The following OLFML2B variants were observed in gnomAD, a reference collection of about 807,000 sequenced individuals.
OLFML2B encodes the protein olfactomedin-like protein 2B.
In OLFML2B, 57 loss-of-function variants were observed where a neutral mutation model predicts 74.9. That is an observed-to-expected ratio of 0.76 (90% CI 0.61 to 0.95). The LOEUF is 0.95. Among genes scored for constraint, OLFML2B ranks in the 40% least tolerant of loss-of-function variants. The pLI is 0.00. For synonymous variants in OLFML2B, 388 were observed against 405.8 expected, an observed-to-expected ratio of 0.96 and a Z score of 0.53; for missense variants, 986 against 970.6, an observed-to-expected ratio of 1.02 and a Z score of -0.21.
At chr1:162,005,356 C>A (rs1319051631) in intron 4 of OLFML2B, among the ~76,000 whole-genome samples, 1 of 152,202 alleles carries the variant, frequency 6.6e-6, no homozygotes, top group Non-Finnish European at 1.5e-5. Flanking sequence ...GTTTGAGACC[C>A]TCTGCCACCA....
At chr1:161,995,406 T>C (rs1018992140) in intron 6 of OLFML2B, among the ~76,000 whole-genome samples, 2 of 152,260 alleles carry the variant, frequency 1.3e-5, no homozygotes, top group African/African-American at 2.4e-5. Flanking sequence ...GATGCTATTC[T>C]AGTTAAACAG....
At chr1:161,989,636 T>C (rs1331327543) in intron 6 of OLFML2B, among the ~76,000 whole-genome samples, 1 of 152,228 alleles carries the variant, frequency 6.6e-6, no homozygotes, top group Non-Finnish European at 1.5e-5. Flanking sequence ...CATTTAATGA[T>C]CTGCTGTCAC....
At chr1:161,991,454 G>A (rs1418097973) in intron 6 of OLFML2B, among the ~76,000 whole-genome samples, 4 of 152,130 alleles carry the variant, frequency 2.6e-5, no homozygotes, top group Non-Finnish European at 5.9e-5. Context: ...TAATCTCCTG[G>A]CCAGGCGCGG....
intron 3 of OLFML2B, among the ~76,000 whole-genome samples, chr1:162,009,146 G>A (rs955296152): frequency 4.0e-5 from 6 of 150,902 alleles, no homozygotes; most frequent in African/African-American, 1.5e-4. Flanking sequence ...GTAGGCAATA[G>A]ACAAAGAAAT....
At chr1:161,995,471 C>T (rs1390741694) in intron 6 of OLFML2B, among the ~76,000 whole-genome samples, 1 of 152,180 alleles carries the variant, frequency 6.6e-6, no homozygotes, top group African/African-American at 2.4e-5. Context: ...GCTGCTGGGA[C>T]ACATGGCTTC....
chr1:162,005,191 AACTTAGTAGTAATTG>A (rs1287720735), intron 4 of OLFML2B, among the ~76,000 whole-genome samples: 1 of 152,242 alleles, frequency 6.6e-6, no homozygotes, highest in Non-Finnish European at 1.5e-5. Context: ...ACATAAACAT[AACTTAGTAGTAATTG>A]GAGCCAAAAG....
chr1:162,015,669 A>G (rs1439283747), intron 3 of OLFML2B, among the ~76,000 whole-genome samples: 1 of 152,218 alleles, frequency 6.6e-6, no homozygotes, highest in Non-Finnish European at 1.5e-5. Context: ...AAGAACCAGA[A>G]AGTGGTTTTA....
At chr1:162,021,717 C>T (rs774634904) in intron 1 of OLFML2B, among the ~76,000 whole-genome samples, 5 of 152,170 alleles carry the variant, frequency 3.3e-5, no homozygotes, top group Non-Finnish European at 5.9e-5. Context: ...CTGTTCTTTA[C>T]GGGCTGATAG....
intron 3 of OLFML2B, among the ~76,000 whole-genome samples, chr1:162,016,848 C>T (rs1202756760): frequency 6.6e-6 from 1 of 152,202 alleles, no homozygotes; most frequent in Non-Finnish European, 1.5e-5. Context: ...AGTATGGTGT[C>T]TTTGTCTATG....
chr1:161,992,269 A>T (rs546312474), intron 6 of OLFML2B, among the ~76,000 whole-genome samples: 2 of 152,354 alleles, frequency 1.3e-5, no homozygotes, highest in African/African-American at 2.4e-5. Context: ...TCTGTCAGCC[A>T]TCATAGAATT....
intron 4 of OLFML2B, among the ~76,000 whole-genome samples, chr1:162,000,847 T>G (rs1690064236): frequency 1.3e-5 from 2 of 152,124 alleles, no homozygotes; most frequent in South Asian, 4.1e-4. Flanking sequence ...TGAAGCTTGT[T>G]ACAGCAATCA....
rs750724158 is a variant in OLFML2B, at chr1:161,983,757, A to G, written c.2171T>C (p.Ile724Thr). Residue 724 changes from isoleucine to threonine, a missense_variant, in exon 8 of 8, where the codon ATA becomes ACA. Ile to Thr is a moderately conservative substitution (Grantham distance 89, BLOSUM62 -1). Transcript: ENST00000294794. ...FENEYSYTTQ[I>T]DYNPKDRLLY... The stretch of plus-strand genomic sequence containing the variant: ...CAGGCGGTCCTTGGGGTTGTAGTCT[A>G]TCTGGGTCGTATAGGAATACTCATT... 19 of 1,613,962 alleles carry G rather than the reference A, an allele frequency of 1.2e-5. No homozygotes were observed. The Middle Eastern group carries it at 6.6e-4, about 56-fold the overall frequency.
At chr1:161,991,100 G>A (rs1689729631) in intron 6 of OLFML2B, among the ~76,000 whole-genome samples, 1 of 152,108 alleles carries the variant, frequency 6.6e-6, no homozygotes, top group Non-Finnish European at 1.5e-5. Context: ...ACCCCTCAAG[G>A]TTATCCATGA....
chr1:162,012,071 A>T (rs574548314), intron 3 of OLFML2B, among the ~76,000 whole-genome samples: 1 of 152,352 alleles, frequency 6.6e-6, no homozygotes, highest in South Asian at 2.1e-4. Flanking sequence ...AGAAACACTA[A>T]CTTCGACCCT....
chr1:162,022,657 G>A (rs1208566768), intron 1 of OLFML2B, among the ~76,000 whole-genome samples: 1 of 152,120 alleles, frequency 6.6e-6, no homozygotes, highest in East Asian at 1.9e-4. Flanking sequence ...ACTTTACGAA[G>A]CCCATCACTA....
chr1:161,997,725 C>T (rs905679406), intron 6 of OLFML2B, 100 bp downstream of exon 6: 1 of 1,309,452 alleles, frequency 7.6e-7, no homozygotes, highest in East Asian at 2.3e-5. Context: ...CCATAAAGAA[C>T]TTTGACCATC....
At chr1:162,017,257 C>T (rs1004036704) in intron 3 of OLFML2B, 143 bp downstream of exon 3, 28 of 600,930 alleles carry the variant, frequency 4.7e-5, no homozygotes, top group Non-Finnish European at 5.5e-5. Flanking sequence ...TTGAATGAAT[C>T]TTTTATGTAT....
chr1:162,017,210 A>C (rs892682424), intron 3 of OLFML2B, among the ~76,000 whole-genome samples, 190 bp downstream of exon 3: 2 of 152,222 alleles, frequency 1.3e-5, no homozygotes, highest in African/African-American at 4.8e-5. Flanking sequence ...ATTTCTACTT[A>C]ACTGATTTTC....
intron 3 of OLFML2B, among the ~76,000 whole-genome samples, chr1:162,014,105 G>T (rs1281417464): frequency 6.6e-6 from 1 of 152,198 alleles, no homozygotes; most frequent in Non-Finnish European, 1.5e-5. Flanking sequence ...GAGAGCATAT[G>T]GGGGCCTTTT....
Sources: allele counts gnomAD v4.1 joint callset (sites outside exome capture counted in the v4.1 genomes callset), GRCh38; gene constraint gnomAD v4.1.1; transcripts MANE v1.5; gene names NCBI Gene and HGNC (gene_info 2026-07-23, HGNC 2026-07-21).